The following LRRIQ1 variants were observed in gnomAD, a reference collection of about 807,000 sequenced individuals.
LRRIQ1 encodes leucine rich repeats and IQ motif containing 1, also known as leucine-rich repeat- and IQ domain-containing protein 1.
In LRRIQ1, 210 loss-of-function variants were observed where a neutral mutation model predicts 211.9. The ratio of observed to expected loss-of-function variants is 0.99; its 90% CI spans 0.89 to 1.11. LRRIQ1 has a LOEUF of 1.11. Among genes scored for constraint, LRRIQ1 ranks in the 50% most tolerant of loss-of-function variants. The pLI is 0.00. For missense variants in LRRIQ1, 2,136 were observed against 1,939.5 expected (o/e 1.10, Z -1.90); for synonymous variants, 699 against 650.1 (o/e 1.08, Z -1.14).
At chr12:85,166,326 G>T (rs1891155030) in intron 24 of LRRIQ1, among the ~76,000 whole-genome samples, 1 of 152,140 alleles carries the variant, frequency 6.6e-6, no homozygotes, top group East Asian at 1.9e-4. Context: ...TTTCAAGTCA[G>T]ATTTTCTTAA....
intron 1 of LRRIQ1, among the ~76,000 whole-genome samples, chr12:85,254,784 T>C (rs1896042242): frequency 6.6e-6 from 1 of 152,016 alleles, no homozygotes; most frequent in Non-Finnish European, 1.5e-5. Context: ...TCATTAATGT[T>C]TTATTAAAAT....
intron 1 of LRRIQ1, among the ~76,000 whole-genome samples, chr12:85,261,343 A>G (rs982447240): frequency 1.3e-5 from 2 of 152,158 alleles, no homozygotes; most frequent in South Asian, 2.1e-4. Flanking sequence ...TTTTAAGATT[A>G]AAAACCAAAA....
At chr12:85,135,065 G>A (rs1026019521) in intron 18 of LRRIQ1, among the ~76,000 whole-genome samples, 17 of 151,864 alleles carry the variant, frequency 1.1e-4, no homozygotes, top group Non-Finnish European at 2.4e-4. Flanking sequence ...CATTTAATAC[G>A]TCTTTGCAGA....
At chr12:85,189,524 T>A (rs2136928505) in intron 24 of LRRIQ1, among the ~76,000 whole-genome samples, 1 of 151,946 alleles carries the variant, frequency 6.6e-6, no homozygotes, top group South Asian at 2.1e-4. Context: ...AAAAGCAAAA[T>A]AACAAAATTA....
chr12:85,100,507 T>C (rs1427792836), intron 13 of LRRIQ1, among the ~76,000 whole-genome samples: 1 of 151,724 alleles, frequency 6.6e-6, no homozygotes, highest in Non-Finnish European at 1.5e-5. Context: ...GGTTTGCTAT[T>C]TGGGGGATAA....
At chr12:85,230,735 GTTA>G (rs1469033870) in intron 25 of LRRIQ1, among the ~76,000 whole-genome samples, 2 of 152,158 alleles carry the variant, frequency 1.3e-5, no homozygotes, top group African/African-American at 4.8e-5. Flanking sequence ...GAGTAAAAGT[GTTA>G]TTATAGGCAT....
intron 24 of LRRIQ1, among the ~76,000 whole-genome samples, chr12:85,168,202 C>A (rs1162032959): frequency 6.6e-6 from 1 of 152,102 alleles, no homozygotes; most frequent in Non-Finnish European, 1.5e-5. Context: ...AACCTTCATT[C>A]CTGAAGGGGC....
chr12:85,127,003 T>G (rs1888412836), intron 17 of LRRIQ1, among the ~76,000 whole-genome samples: 1 of 152,190 alleles, frequency 6.6e-6, no homozygotes, highest in Non-Finnish European at 1.5e-5. Context: ...ATTACTAATC[T>G]TTTTAAGCCA....
downstream of LRRIQ1, among the ~76,000 whole-genome samples, chr12:85,267,150 C>G (rs763746529): frequency 6.6e-6 from 1 of 151,994 alleles, no homozygotes; most frequent in Admixed American, 6.6e-5. Context: ...AACTTTCAAA[C>G]TATTTTTATG....
At chr12:85,162,914 CAGTTTTATATGGA>C (rs1890967459) in intron 24 of LRRIQ1, 1 of 382,486 alleles carries the variant, frequency 2.6e-6, no homozygotes, top group Non-Finnish European at 5.1e-6. Context: ...TTGGCAAAAA[CAGTTTTATATGGA>C]AGTTTTTTTT....
At chr12:85,044,883 C>CTTCACTGATTTTAAG (rs1188091512) in intron 4 of LRRIQ1, 74 bp downstream of exon 4, 2 of 593,934 alleles carry the variant, frequency 3.4e-6, no homozygotes, top group Non-Finnish European at 5.8e-6. Context: ...AAGATTGATA[C>CTTCACTGATTTTAAG]TTCACTGATT....
intron 26 of LRRIQ1, among the ~76,000 whole-genome samples, chr12:85,240,000 A>C (rs1014317362): frequency 5.3e-5 from 8 of 152,120 alleles, no homozygotes; most frequent in Admixed American, 1.3e-4. Flanking sequence ...AATATAATCA[A>C]ATAAATAAAA....
chr12:85,269,992 A>C, the LRRIQ1 span, among the ~76,000 whole-genome samples: 1 of 151,944 alleles, frequency 6.6e-6, no homozygotes, highest in Non-Finnish European at 1.5e-5. Flanking sequence ...TGGGAGAAAG[A>C]TCTTGTATCT....
chr12:85,181,337 T>G (rs1032194343), intron 24 of LRRIQ1, among the ~76,000 whole-genome samples: 1 of 151,920 alleles, frequency 6.6e-6, no homozygotes, highest in African/African-American at 2.4e-5. Flanking sequence ...ATTGCTGAGC[T>G]GGAAGAGTGA....
intron 24 of LRRIQ1, among the ~76,000 whole-genome samples, chr12:85,191,484 T>C (rs1892507320): frequency 6.6e-6 from 1 of 151,992 alleles, no homozygotes; most frequent in African/African-American, 2.4e-5. Flanking sequence ...CCATGTCTGG[T>C]CATAACTTGA....
At chr12:85,044,490 T>TA (rs1026257760) in intron 3 of LRRIQ1, among the ~76,000 whole-genome samples, 1 of 151,976 alleles carries the variant, frequency 6.6e-6, no homozygotes, top group Non-Finnish European at 1.5e-5. Context: ...TGGAAAATGA[T>TA]AGAGTCAAAG....
intron 26 of LRRIQ1, among the ~76,000 whole-genome samples, chr12:85,240,498 G>A (rs1041401465): frequency 6.6e-6 from 1 of 152,112 alleles, no homozygotes; most frequent in South Asian, 2.1e-4. Flanking sequence ...TTCTTCCTTT[G>A]AGCATTTTTC....
chr12:85,200,724 G>C (rs1893246673), intron 24 of LRRIQ1, among the ~76,000 whole-genome samples: 1 of 152,126 alleles, frequency 6.6e-6, no homozygotes, highest in Non-Finnish European at 1.5e-5. Flanking sequence ...TTTTAGTTCT[G>C]TTTATGTGAT....
At chr12:85,080,143 C>A (rs1205921887) in intron 11 of LRRIQ1, among the ~76,000 whole-genome samples, 1 of 151,964 alleles carries the variant, frequency 6.6e-6, no homozygotes, top group African/African-American at 2.4e-5. Flanking sequence ...ATTTGTATTG[C>A]AATTTTTGCA....
Sources: gnomAD v4.1 joint callset for allele counts (sites outside exome capture counted in the v4.1 genomes callset) on GRCh38, gnomAD v4.1.1 for gene constraint, MANE v1.5 for transcripts, NCBI Gene and HGNC (gene_info 2026-07-23, HGNC 2026-07-21) for gene names.